NRG1: variants seen among roughly 807,000 people sequenced by gnomAD.
NRG1 encodes neuregulin 1.
In NRG1, 18 loss-of-function variants were observed where a neutral mutation model predicts 63.8. That is an observed-to-expected ratio of 0.28 (90% CI 0.19 to 0.42). The LOEUF (loss-of-function observed/expected upper bound fraction) is 0.42, where lower values mean the gene tolerates loss of function less well. Ranked by LOEUF, NRG1 falls within the 10% of genes least tolerant of loss-of-function variation. The pLI is 1.00. For missense variants in NRG1, 762 were observed against 814.7 expected (o/e 0.94, Z 0.79); for synonymous variants, 302 against 301.3 (o/e 1.00, Z -0.02).
intron 1 of NRG1, among the ~76,000 whole-genome samples, chr8:31,744,511 G>A (rs927315994): frequency 6.6e-6 from 1 of 151,976 alleles, no homozygotes; most frequent in African/African-American, 2.4e-5. Flanking sequence ...ATAGCAGGAA[G>A]GTTTACCTTC....
At chr8:31,858,156 G>A (rs955909843) in intron 1 of NRG1, among the ~76,000 whole-genome samples, 5 of 151,910 alleles carry the variant, frequency 3.3e-5, no homozygotes, top group African/African-American at 7.3e-5. Context: ...AAAATTAGTC[G>A]GGCATGGTGG....
chr8:32,130,073 G>A (rs1012099758), intron 1 of NRG1, among the ~76,000 whole-genome samples: 3 of 151,714 alleles, frequency 2.0e-5, no homozygotes, highest in Admixed American at 1.3e-4. Flanking sequence ...ATTGAAAGAC[G>A]GCAGTTTAAC....
At chr8:32,254,588 C>G (rs544926145) in intron 1 of NRG1, among the ~76,000 whole-genome samples, 1 of 152,272 alleles carries the variant, frequency 6.6e-6, no homozygotes, top group Admixed American at 6.5e-5. Context: ...GAGTGTTTCA[C>G]TTCCAATTAT....
chr8:32,742,459 C>A lies in NRG1; in HGVS notation c.633-216C>A, dbSNP rs1447907111. ...CACTTAAAGTGCTGGGATCTTTCCA[C>A]CATACCAACTTAAGAACTGCATTCT... On this transcript the variant is annotated intron_variant, in intron 6 of 11. Coordinates refer to ENST00000356819, the Ensembl canonical transcript of NRG1. The surrounding 1 kb of genome is among the most constrained non-coding windows in gnomAD (Gnocchi z 4.2). Among the ~76,000 whole-genome samples the A allele has an allele frequency of 6.6e-6, 1 of 152,136 alleles. No homozygotes were observed. The highest frequency in any genetic ancestry group is 1.5e-5 in the Non-Finnish European group (1 of 68,036).
At chr8:32,519,896 G>T (rs372209449) in intron 1 of NRG1, among the ~76,000 whole-genome samples, 1 of 152,110 alleles carries the variant, frequency 6.6e-6, no homozygotes, top group African/African-American at 2.4e-5. Context: ...AGGTGGATAA[G>T]CAAACTGCAA....
intron 1 of NRG1, among the ~76,000 whole-genome samples, chr8:32,166,010 C>T (rs1219530887): frequency 6.6e-6 from 1 of 152,040 alleles, no homozygotes; most frequent in African/African-American, 2.4e-5. Flanking sequence ...TCATCCTCAC[C>T]CTGCTTTACC....
chr8:32,207,729 G>C (rs1844222333), intron 1 of NRG1, among the ~76,000 whole-genome samples: 1 of 152,182 alleles, frequency 6.6e-6, no homozygotes, highest in Non-Finnish European at 1.5e-5. Context: ...GAAAGCCAGA[G>C]TTAAAAATAT....
intron 5 of NRG1, chr8:32,646,590 T>G: frequency 1.4e-6 from 1 of 708,320 alleles, no homozygotes; most frequent in Non-Finnish European, 1.7e-6. Flanking sequence ...ATTGCTAGCA[T>G]CGATCGCTGG....
intron 5 of NRG1, among the ~76,000 whole-genome samples, chr8:32,724,071 A>T (rs1277390176): frequency 6.6e-6 from 1 of 152,212 alleles, no homozygotes; most frequent in East Asian, 1.9e-4. Context: ...CCAACCTAAT[A>T]GTAAGTTTCT....
chr8:32,258,987 C>T (rs1201765058), intron 1 of NRG1, among the ~76,000 whole-genome samples: 1 of 152,036 alleles, frequency 6.6e-6, no homozygotes, highest in Non-Finnish European at 1.5e-5. Context: ...AAATGGAAGT[C>T]AGCACACCAG....
chr8:32,209,522 A>G (rs1844438311), intron 1 of NRG1, among the ~76,000 whole-genome samples: 2 of 152,200 alleles, frequency 1.3e-5, no homozygotes, highest in African/African-American at 4.8e-5. Flanking sequence ...GCAAGCATTC[A>G]TAGCATAGTA....
intron 1 of NRG1, 74 bp downstream of exon 1, chr8:32,548,900 G>A (rs1324386989): frequency 8.9e-6 from 13 of 1,468,592 alleles, no homozygotes; most frequent in Non-Finnish European, 1.2e-5. Context: ...CTCGGATGCC[G>A]TGGCCTCTCC....
chr8:31,802,580 C>G (rs1311280955), intron 1 of NRG1, among the ~76,000 whole-genome samples: 2 of 152,100 alleles, frequency 1.3e-5, no homozygotes, highest in East Asian at 3.8e-4. Context: ...TTTGTTTCTT[C>G]TGAAAAAGTC....
At chr8:32,710,855 A>G (rs1790488005) in intron 5 of NRG1, among the ~76,000 whole-genome samples, 1 of 152,218 alleles carries the variant, frequency 6.6e-6, no homozygotes, top group African/African-American at 2.4e-5. Flanking sequence ...TGAAACAGAC[A>G]ACAGAAAACT....
At chr8:32,604,726 C>G (rs1844960698) in intron 2 of NRG1, among the ~76,000 whole-genome samples, 1 of 152,088 alleles carries the variant, frequency 6.6e-6, no homozygotes, top group Non-Finnish European at 1.5e-5. Flanking sequence ...TGCCACCACA[C>G]CAGGCTTTAG....
At chr8:32,701,242 A>C (rs903280114) in intron 5 of NRG1, among the ~76,000 whole-genome samples, 7 of 152,210 alleles carry the variant, frequency 4.6e-5, no homozygotes, top group African/African-American at 1.4e-4. Flanking sequence ...TAATGATTCA[A>C]TATCTTTTTA....
intron 1 of NRG1, among the ~76,000 whole-genome samples, chr8:32,374,220 A>G (rs897500505): frequency 3.3e-5 from 5 of 152,188 alleles, no homozygotes; most frequent in African/African-American, 1.2e-4. Context: ...CCAAGTGCCT[A>G]TTAGAGGTGC....
intron 1 of NRG1, among the ~76,000 whole-genome samples, chr8:32,454,904 CT>C (rs1386077759): frequency 1.3e-5 from 2 of 151,966 alleles, no homozygotes; most frequent in African/African-American, 4.8e-5. Flanking sequence ...ATTTTTTTGT[CT>C]TTTATTCTGT....
chr8:32,263,718 T>A (rs1372222794), intron 1 of NRG1, among the ~76,000 whole-genome samples: 1 of 152,208 alleles, frequency 6.6e-6, no homozygotes, highest in Non-Finnish European at 1.5e-5. Flanking sequence ...AGGAAAAATT[T>A]CAAGATTATC....
Sources: gnomAD v4.1 joint callset for allele counts (sites outside exome capture counted in the v4.1 genomes callset) on GRCh38, gnomAD v4.1.1 for gene constraint, Gnocchi (gnomAD v3.1) non-coding constraint, MANE v1.5 for transcripts, NCBI Gene and HGNC (gene_info 2026-07-23, HGNC 2026-07-21) for gene names.